The following FOXS1 variants were observed in gnomAD, a reference collection of about 807,000 sequenced individuals.
FOXS1 encodes forkhead box S1.
A neutral mutation model predicts 13.0 loss-of-function variants in FOXS1; 7 were observed. The observed-to-expected ratio is 0.54, with a 90% CI of 0.31 to 1.01. FOXS1 has a LOEUF of 1.01. Among genes scored for constraint, FOXS1 ranks in the 50% least tolerant of loss-of-function variants. FOXS1 has a pLI of 0.06. For synonymous variants in FOXS1, 161 were observed against 189.3 expected (o/e 0.85, Z 1.23); for missense variants, 414 against 464.1 (o/e 0.89, Z 0.99).
chr20:31,844,613 G>A lies in FOXS1; in HGVS notation c.930C>T (p.Ser310=), dbSNP rs139927827. The A allele has an allele frequency of 1.7e-5, 27 of 1,614,046 alleles. No homozygotes were observed. In the East Asian group the frequency reaches 2.2e-4, roughly 13 times the overall value. Residue 310 remains serine (S), a synonymous_variant, in exon 1 of 1, where the codon TCC becomes TCT. Transcript: ENST00000375978. The stretch of plus-strand genomic sequence containing the variant: ...AGGGGGTCAGCCCCAATGGGTAGCC[G>A]GAGCCTCCCTGGACAGGGAAGCCAC... ...VAGGFPVQGG[S]GYPLGLTPCL...
chr20:31,844,602 A>C lies in FOXS1; in HGVS notation c.941T>G (p.Leu314Trp). 6.2e-7 allele frequency: 1 copy of C among 1,614,012 alleles called. No homozygotes were observed. The highest frequency in any genetic ancestry group is 8.5e-7 in the Non-Finnish European group (1 of 1,179,964). Residue 314 changes from leucine to tryptophan, a missense_variant, in exon 1 of 1, where the codon TTG becomes TGG. Coordinates refer to ENST00000375978, the MANE Select transcript of FOXS1 (RefSeq NM_004118.4). ...FPVQGGSGYP[L>W]GLTPCLYRTP... Reference sequence around the variant, plus strand: ...CCGGTATAGGCAGGGGGTCAGCCCCAATGGGTAGCCGGAGCCTCCCTGGAC... The same window carrying C: ...CCGGTATAGGCAGGGGGTCAGCCCCCATGGGTAGCCGGAGCCTCCCTGGAC...
At position 31,844,811 on chromosome 20, in the gene FOXS1, G is replaced by C; in HGVS notation, c.732C>G (p.Ile244Met). Residue 244 changes from isoleucine to methionine, a missense_variant, in exon 1 of 1, where the codon ATC becomes ATG. Coordinates refer to ENST00000375978, the MANE Select transcript of FOXS1 (RefSeq NM_004118.4). ...GCAGCCGACACTGGTAGCTGCTCCC[G>C]ATGCCTGATTCCGGGGACAAGACGG... The part of the protein sequence containing the change: ...PTPVLSPESG[I>M]GSSYQCRLQA... 1 of 1,614,222 alleles carries C rather than the reference G, an allele frequency of 6.2e-7. No individual in the cohort carries two copies. The highest frequency in any genetic ancestry group is 8.5e-7 in the Non-Finnish European group (1 of 1,180,034).
Position 31,844,719 on chromosome 20 carries a change from G to A in FOXS1, c.824C>T (p.Ser275Phe). Reference sequence around the variant, plus strand: ...GCCTGGAGGGGTGGGTGGTGCAGGGGAGGGGGCTGCTGAGGCCAAGAGGTG... The same window carrying A: ...GCCTGGAGGGGTGGGTGGTGCAGGGAAGGGGGCTGCTGAGGCCAAGAGGTG... ...LEHLLASAAP[S>F]PAPPTPPGSL... The change falls in exon 1 of 1, where the codon TCC becomes TTC. Residue 275 changes from serine to phenylalanine, a missense_variant. By Grantham distance (155) the Ser-to-Phe change is radical. Transcript: ENST00000375978. 1 of 1,613,504 alleles carries A rather than the reference G, an allele frequency of 6.2e-7. No individual in the cohort carries two copies. The highest frequency in any genetic ancestry group is 1.1e-5 in the South Asian group (1 of 91,050).
Position 31,844,837 on chromosome 20 carries a change from G to A in FOXS1, c.706C>T (p.Pro236Ser). 5.0e-6 allele frequency: 8 copies of A among 1,614,238 alleles called. No individual in the cohort carries two copies. The highest frequency in any genetic ancestry group is 6.8e-6 in the Non-Finnish European group (8 of 1,180,038). The change falls in exon 1 of 1, where the codon CCC becomes TCC. Residue 236 changes from proline to serine, a missense_variant. Transcript: ENST00000375978. ...EAESFNKAPT[P>S]VLSPESGIGS... ...ATGCCTGATTCCGGGGACAAGACGG[G>A]CGTAGGGGCCTTATTAAAACTCTCA... is the stretch of plus-strand genomic sequence containing the variant.
Position 31,844,457 on chromosome 20 carries a change from G to A in FOXS1, c.*93C>T. ...CTGTGTGGTTGTCCTTGGCTCACCA[G>A]GGCTGGGTCCTTCGAGAGTTCTTCA... On this transcript the variant is annotated 3_prime_UTR_variant, in exon 1 of 1. Transcript: ENST00000375978. 6.8e-7 allele frequency: 1 copy of A among 1,473,604 alleles called. No individual in the cohort carries two copies. The highest frequency in any genetic ancestry group is 1.4e-5 in the African/African-American group (1 of 71,584). 91.3% of individuals were successfully genotyped at this position (1,473,604 alleles called of 1,614,324 possible). A position where few individuals can be genotyped will look rare whatever the true frequency, so the allele number is the denominator to read the frequency against.
Position 31,844,474 on chromosome 20 carries a change from A to G in FOXS1, c.*76T>C, listed in dbSNP as rs980987654. On this transcript the variant is annotated 3_prime_UTR_variant, in exon 1 of 1. Coordinates refer to ENST00000375978, the MANE Select transcript of FOXS1 (RefSeq NM_004118.4). ...GCTCACCAGGGCTGGGTCCTTCGAG[A>G]GTTCTTCAGGTCCTAGAGCCAGGCT... 11 of 1,532,442 alleles carry G rather than the reference A, an allele frequency of 7.2e-6. No individual in the cohort carries two copies. Among genetic ancestry groups the G allele is most frequent in the Non-Finnish European group, 9.8e-6 (11 of 1,126,286 alleles). The allele number at this position is 1,532,442 out of a possible 1,614,324, so 94.9% of individuals were successfully genotyped here.
In FOXS1 at chr20:31,844,678, G is replaced by T; in HGVS notation, c.865C>A (p.Leu289Met). 2 of 1,613,474 alleles carry T rather than the reference G, an allele frequency of 1.2e-6. No individual in the cohort carries two copies. The highest frequency in any genetic ancestry group is 1.7e-6 in the Non-Finnish European group (2 of 1,179,576). ...TCCTTGTGGTCAGTTGGCAGGGGCA[G>T]TGGGGCCCGGAGTGAGCCTGGAGGG... The part of the protein sequence containing the change: ...PTPPGSLRAP[L>M]PLPTDHKEPW... Residue 289 changes from leucine (L) to methionine (M), a missense_variant, in exon 1 of 1, where the codon CTG (leucine) becomes ATG (methionine). By Grantham distance (15) the Leu-to-Met change is conservative. Transcript: ENST00000375978.
In FOXS1 at chr20:31,845,291, G is replaced by T; in HGVS notation, c.252C>A (p.Arg84=). Residue 84 remains arginine, a synonymous_variant, in exon 1 of 1, where the codon CGC becomes CGA. Transcript: ENST00000375978. The part of the protein sequence containing the change: ...ECFVKVPRDD[R]KPGKGSYWTL... ...TCCAGTAGCTGCCCTTGCCTGGCTT[G>T]CGGTCATCGCGGGGCACCTTGACAA... The T allele has an allele frequency of 6.2e-7, 1 of 1,614,238 alleles. No homozygotes were observed. The highest frequency in any genetic ancestry group is 8.5e-7 in the Non-Finnish European group (1 of 1,180,034).
In FOXS1 at chr20:31,845,519, C is replaced by T. The variant is rs1452874967; in HGVS notation, c.24G>A (p.Gly8=). 2 of 1,613,532 alleles carry T rather than the reference C, an allele frequency of 1.2e-6. No homozygotes were observed. Among genetic ancestry groups the T allele is most frequent in the Non-Finnish European group, 8.5e-7 (1 of 1,179,626 alleles). MQQQPLP[G]PGAPTTEPTK... ...TTGGCTCAGTTGTGGGGGCGCCAGG[C>T]CCGGGCAGAGGCTGCTGCTGCATGC... The change falls in exon 1 of 1, where the codon GGG becomes GGA. Residue 8 remains glycine, a synonymous_variant. Transcript: ENST00000375978.
chr20:31,844,471 G>C lies in FOXS1; in HGVS notation c.*79C>G, dbSNP rs185855724. ...TTGGCTCACCAGGGCTGGGTCCTTC[G>C]AGAGTTCTTCAGGTCCTAGAGCCAG... On this transcript the variant is annotated 3_prime_UTR_variant, in exon 1 of 1. Coordinates refer to ENST00000375978, the MANE Select transcript of FOXS1 (RefSeq NM_004118.4). 3 of 1,524,556 alleles carry C rather than the reference G, an allele frequency of 2.0e-6. No individual in the cohort carries two copies. The highest frequency in any genetic ancestry group is 2.7e-6 in the Non-Finnish European group (3 of 1,120,084). 94.4% of individuals were successfully genotyped at this position (1,524,556 alleles called of 1,614,324 possible). A position where few individuals can be genotyped will look rare whatever the true frequency, so the allele number is the denominator to read the frequency against.
rs2062370463 is a variant in FOXS1 at position 31,845,597 on chromosome 20, G to T, written c.-55C>A. 3.1e-6 allele frequency: 5 copies of T among 1,588,406 alleles called. No individual in the cohort carries two copies. Among genetic ancestry groups the T allele is most frequent in the Non-Finnish European group, 4.3e-6 (5 of 1,166,606 alleles). ...TGCTGGGTCAGGCTCAGCTTCCAGG[G>T]CTGGCGTCCGGAATAGCCTGCCCAG... On this transcript the variant is annotated 5_prime_UTR_variant, in exon 1 of 1. Transcript: ENST00000375978.
In FOXS1 at chr20:31,844,883, A is replaced by G; in HGVS notation, c.660T>C (p.Phe220=). Residue 220 remains phenylalanine (F), a synonymous_variant, in exon 1 of 1, where the codon TTT becomes TTC. Transcript: ENST00000375978. ...TSSSSCPAFG[F]PAGFSEAESF... ...TCTCAGCCTCTGAGAAGCCGGCAGG[A>G]AAGCCAAACGCTGGGCATGAGGAAG... is the stretch of plus-strand genomic sequence containing the variant. 1 of 1,614,256 alleles carries G rather than the reference A, an allele frequency of 6.2e-7. No individual in the cohort carries two copies. The highest frequency in any genetic ancestry group is 8.5e-7 in the Non-Finnish European group (1 of 1,180,036).
chr20:31,844,338 CAG>C lies in FOXS1; in HGVS notation c.*210_*211del. 1 of 602,606 alleles carries C rather than the reference CAG, an allele frequency of 1.7e-6. No homozygotes were observed. The highest frequency in any genetic ancestry group is 2.9e-6 in the Non-Finnish European group (1 of 342,516). 37.3% of individuals were successfully genotyped at this position (602,606 alleles called of 1,614,324 possible). Reference sequence around the variant, plus strand: ...ATGGCTTTATTGGCCCTGAGAGCCACAGAGTAAATCCCAAGAGGCCCTGCTTC... The same window carrying C: ...ATGGCTTTATTGGCCCTGAGAGCCACAGTAAATCCCAAGAGGCCCTGCTTC... On this transcript the variant is annotated 3_prime_UTR_variant, in exon 1 of 1. Transcript: ENST00000375978.
In FOXS1 at chr20:31,844,953, G is replaced by T. The variant is rs201187679; in HGVS notation, c.590C>A (p.Thr197Lys). 3 of 1,614,232 alleles carry T rather than the reference G, an allele frequency of 1.9e-6. No homozygotes were observed. In the South Asian group the frequency reaches 3.3e-5, roughly 18 times the overall value. The change falls in exon 1 of 1, where the codon ACG (threonine) becomes AAG (lysine). Residue 197 changes from threonine to lysine, a missense_variant. Coordinates refer to ENST00000375978, the MANE Select transcript of FOXS1 (RefSeq NM_004118.4). ...CTCCCCTGGGCATGCAGGCTTGGGC[G>T]TGGAAATCTCTTTGGGCTCCATGGG... ...RPPMEPKEIS[T>K]PKPACPGELP...
chr20:31,844,599 C>T lies in FOXS1; in HGVS notation c.944G>A (p.Gly315Glu). Reference protein sequence around the residue: ...PVQGGSGYPLGLTPCLYRTPG... With the variant: ...PVQGGSGYPLELTPCLYRTPG... ...CGTCCGGTATAGGCAGGGGGTCAGC[C>T]CCAATGGGTAGCCGGAGCCTCCCTG... Residue 315 changes from glycine to glutamate, a missense_variant, in exon 1 of 1, where the codon GGG (glycine) becomes GAG (glutamate). Physicochemically the swap from Gly to Glu is moderately conservative, Grantham distance 98. Coordinates refer to ENST00000375978, the MANE Select transcript of FOXS1 (RefSeq NM_004118.4). 1 of 1,614,006 alleles carries T rather than the reference C, an allele frequency of 6.2e-7. No homozygotes were observed. Among genetic ancestry groups the T allele is most frequent in the African/African-American group, 1.3e-5 (1 of 75,052 alleles).
In FOXS1 at chr20:31,845,072, C is replaced by A. The variant is rs1273651350; in HGVS notation, c.471G>T (p.Glu157Asp). 1 of 1,610,950 alleles carries A rather than the reference C, an allele frequency of 6.2e-7. No homozygotes were observed. ...AGCTTAGGCCCTTGGGATCTGGCAG[C>A]TCTGGTGGGAATGAGCACTGCCTGC... is the stretch of plus-strand genomic sequence containing the variant. ...TTGRQCSFPPELPDPKGLSFG... is the reference protein window; with the variant it reads ...TTGRQCSFPPDLPDPKGLSFG... Residue 157 changes from glutamate (E) to aspartate (D), a missense_variant, in exon 1 of 1, where the codon GAG (glutamate) becomes GAT (aspartate). Physicochemically the swap from Glu to Asp is conservative, Grantham distance 45 (BLOSUM62 2). Transcript: ENST00000375978.
In FOXS1 at chr20:31,845,298, T is replaced by C. The variant is rs772098803; in HGVS notation, c.245A>G (p.Asp82Gly). 1 of 1,614,220 alleles carries C rather than the reference T, an allele frequency of 6.2e-7. No individual in the cohort carries two copies. Among genetic ancestry groups the C allele is most frequent in the East Asian group, 2.2e-5 (1 of 44,882 alleles). The change falls in exon 1 of 1, where the codon GAT (aspartate) becomes GGT (glycine). Residue 82 changes from aspartate (D) to glycine (G), a missense_variant. By Grantham distance (94) the Asp-to-Gly change is moderately conservative. Coordinates refer to ENST00000375978, the MANE Select transcript of FOXS1 (RefSeq NM_004118.4). ...LNECFVKVPR[D>G]DRKPGKGSYW... ...GCTGCCCTTGCCTGGCTTGCGGTCA[T>C]CGCGGGGCACCTTGACAAAGCACTC...
At position 31,844,705 on chromosome 20, in the gene FOXS1, T is replaced by A. The variant is rs760976078; in HGVS notation, c.838A>T (p.Thr280Ser). 1.2e-6 allele frequency: 2 copies of A among 1,602,778 alleles called. No homozygotes were observed. The highest frequency in any genetic ancestry group is 8.5e-7 in the Non-Finnish European group (1 of 1,172,604). ...ASAAPSPAPPTPPGSLRAPLP... is the reference protein window; with the variant it reads ...ASAAPSPAPPSPPGSLRAPLP... The stretch of plus-strand genomic sequence containing the variant: ...GGGGCCCGGAGTGAGCCTGGAGGGG[T>A]GGGTGGTGCAGGGGAGGGGGCTGCT... Residue 280 changes from threonine to serine, a missense_variant, in exon 1 of 1, where the codon ACC (threonine) becomes TCC (serine). Coordinates refer to ENST00000375978, the MANE Select transcript of FOXS1 (RefSeq NM_004118.4).
Position 31,845,169 on chromosome 20 carries a change from C to T in FOXS1, c.374G>A (p.Gly125Asp), listed in dbSNP as rs370738197. 24 of 1,607,012 alleles carry T rather than the reference C, an allele frequency of 1.5e-5. No homozygotes were observed. Among genetic ancestry groups the T allele is most frequent in the African/African-American group, 1.5e-4 (11 of 74,946 alleles). Residue 125 changes from glycine (G) to aspartate (D), a missense_variant, in exon 1 of 1, where the codon GGC (glycine) becomes GAC (aspartate). Physicochemically the swap from Gly to Asp is moderately conservative, Grantham distance 94. Transcript: ENST00000375978. ...GGGTCCACGGCGTGCCTTGGCGGGGCCCCGGGTGCCCTCAGCACCTGTCTG... is the reference window on the plus strand; with the variant it reads ...GGGTCCACGGCGTGCCTTGGCGGGGTCCCGGGTGCCCTCAGCACCTGTCTG... Reference protein sequence around the residue: ...TRQTGAEGTRGPAKARRGPLR... With the variant: ...TRQTGAEGTRDPAKARRGPLR...
Sources: gnomAD v4.1 joint callset for allele counts on GRCh38, gnomAD v4.1.1 for gene constraint, MANE v1.5 for transcripts, NCBI Gene and HGNC (gene_info 2026-07-23, HGNC 2026-07-21) for gene names.